SCUBE1: variants seen among roughly 807,000 people sequenced by gnomAD.
SCUBE1 encodes signal peptide, CUB and EGF-like domain-containing protein 1.
A neutral mutation model predicts 124.4 loss-of-function variants in SCUBE1; 59 were observed. The observed-to-expected ratio is 0.47, with a 90% confidence interval of 0.38 to 0.59. SCUBE1 has a LOEUF of 0.59. SCUBE1 is among the 20% of genes least tolerant of loss of function. The pLI, the probability that SCUBE1 is intolerant of heterozygous loss-of-function variation, is 0.00. For missense variants in SCUBE1, 1,150 were observed against 1,371.2 expected (o/e 0.84, Z 2.55); for synonymous variants, 545 against 550.9 (o/e 0.99, Z 0.15).
chr22:43,329,734 C>G (rs1034773384), intron 2 of SCUBE1, among the ~76,000 whole-genome samples: 1 of 152,238 alleles, frequency 6.6e-6, no homozygotes, highest in Non-Finnish European at 1.5e-5. Context: ...TCTTGGAGCA[C>G]CCTCTGAGAC....
At chr22:43,221,374 T>C in intron 12 of SCUBE1, 85 bp from the exon 13 acceptor site, 6 of 648,236 alleles carry the variant, frequency 9.3e-6, no homozygotes, top group South Asian at 1.7e-5. Flanking sequence ...AGGGGACAAA[T>C]CCATCTGGAG....
intron 10 of SCUBE1, among the ~76,000 whole-genome samples, chr22:43,223,578 G>A (rs1922189243): frequency 1.3e-5 from 2 of 152,226 alleles, no homozygotes; most frequent in African/African-American, 4.8e-5. Flanking sequence ...GGGAGGGGCC[G>A]TGGGGGGGAT....
intron 21 of SCUBE1, among the ~76,000 whole-genome samples, chr22:43,207,223 C>G (rs1921327171): frequency 6.6e-6 from 1 of 152,326 alleles, no homozygotes; most frequent in Non-Finnish European, 1.5e-5. Flanking sequence ...CCCCAGAATA[C>G]CCTCATTCTA....
intron 4 of SCUBE1, among the ~76,000 whole-genome samples, chr22:43,271,971 C>T (rs890515083): frequency 1.7e-4 from 26 of 152,168 alleles, no homozygotes; most frequent in Non-Finnish European, 3.8e-4. Flanking sequence ...CCCAGGTCTT[C>T]TACCTTGTGT....
At chr22:43,343,096 G>T in intron 1 of SCUBE1, 78 bp downstream of exon 1, 2 of 673,306 alleles carry the variant, frequency 3.0e-6, no homozygotes, top group Non-Finnish European at 1.9e-6. Flanking sequence ...GATCCGCGGG[G>T]AAGAAGCCCT....
chr22:43,339,728 ACCCCCCACAAGCATAGCTCCAACCC>A (rs1927225567), intron 1 of SCUBE1, among the ~76,000 whole-genome samples: 2 of 24,274 alleles, frequency 8.2e-5, no homozygotes, highest in African/African-American at 3.9e-4. Flanking sequence ...TCCTCATTCT[ACCCCCCACAAGCATAGCTCCAACCC>A]TCCCCCCACT....
chr22:43,223,094 T>C lies in SCUBE1; in HGVS notation c.1327+3A>G. The C allele has an allele frequency of 1.3e-6, 2 of 1,532,896 alleles. No individual in the cohort carries two copies. The highest frequency in any genetic ancestry group is 1.7e-6 in the Non-Finnish European group (2 of 1,143,496). 95.0% of individuals were successfully genotyped at this position (1,532,896 alleles called of 1,614,324 possible). A position where few individuals can be genotyped will look rare whatever the true frequency, so the allele number is the denominator to read the frequency against. ...ATCCCATCTCAGGGACGGCCCGGGT[T>C]ACCTGGCACGAAGAGTGTGTGAGCC... is the stretch of plus-strand genomic sequence containing the variant. On this transcript the variant is annotated splice_donor_region_variant and intron_variant, in intron 11 of 21. Coordinates refer to ENST00000360835, the MANE Select transcript of SCUBE1 (RefSeq NM_173050.5).
chr22:43,322,479 T>C (rs867011903), intron 2 of SCUBE1, among the ~76,000 whole-genome samples: 12 of 152,178 alleles, frequency 7.9e-5, no homozygotes, highest in African/African-American at 2.7e-4. Flanking sequence ...GTGAATATTG[T>C]TTTCCTTCCA....
At chr22:43,235,983 G>A (rs991403541) in intron 7 of SCUBE1, among the ~76,000 whole-genome samples, 1 of 152,064 alleles carries the variant, frequency 6.6e-6, no homozygotes, top group Admixed American at 6.5e-5. Context: ...ACCTGCCCAC[G>A]TGACCCCCAC....
rs116338312 is a variant in SCUBE1 at position 43,238,733 on chromosome 22, C to T, written c.844+105G>A. ...CCACGTGTCCTTTCCCACAGCTACA[C>T]GTGGCCCCCGTTCAGCCCAGCCCTG... On this transcript the variant is annotated intron_variant, in intron 7 of 21. Coordinates refer to ENST00000360835, the MANE Select transcript of SCUBE1 (RefSeq NM_173050.5). 2.2e-3 allele frequency: 2,008 copies of T among 894,488 alleles called. 23 individuals carry two copies. In the African/African-American group the frequency reaches 0.028, roughly 12 times the overall value. 55.4% of individuals were successfully genotyped at this position (894,488 alleles called of 1,614,324 possible). A position where few individuals can be genotyped will look rare whatever the true frequency, so the allele number is the denominator to read the frequency against.
rs528814858 is a variant in SCUBE1 at position 43,223,354 on chromosome 22, G to A, written c.1208-138C>T. 4.2e-5 allele frequency: 40 copies of A among 961,888 alleles called. No individual in the cohort carries two copies. The Middle Eastern group carries it at 1.9e-3, about 46-fold the overall frequency. The allele number at this position is 961,888 out of a possible 1,614,324, so 59.6% of individuals were successfully genotyped here. ...GGCTGGGCTGGCTTGGTGGGAAGGCGCCTGGAGATCGCAGGTCCCTTGGGC... is the reference window on the plus strand; with the variant it reads ...GGCTGGGCTGGCTTGGTGGGAAGGCACCTGGAGATCGCAGGTCCCTTGGGC... On this transcript the variant is annotated intron_variant, in intron 10 of 21. Transcript: ENST00000360835.
chr22:43,340,497 C>CACAT (rs1332859169), intron 1 of SCUBE1, among the ~76,000 whole-genome samples: 2 of 148,380 alleles, frequency 1.3e-5, no homozygotes, highest in Non-Finnish European at 3.0e-5. Context: ...CACACACACA[C>CACAT]ACACACACAC....
chr22:43,239,140 C>A (rs1456849877), intron 6 of SCUBE1, 186 bp from the exon 7 acceptor site: 1 of 599,918 alleles, frequency 1.7e-6, no homozygotes, highest in East Asian at 2.8e-5. Context: ...AGCTCCCCAT[C>A]TGTGAAATGG....
intron 4 of SCUBE1, among the ~76,000 whole-genome samples, chr22:43,286,081 T>C (rs1304078878): frequency 2.0e-5 from 3 of 152,226 alleles, no homozygotes; most frequent in Non-Finnish European, 4.4e-5. Context: ...GGCCGGCTTG[T>C]TGTGGGGCCC....
chr22:43,328,579 G>A (rs1301918995), intron 2 of SCUBE1, among the ~76,000 whole-genome samples: 2 of 152,188 alleles, frequency 1.3e-5, no homozygotes, highest in East Asian at 3.8e-4. Flanking sequence ...TTATCAAGGT[G>A]TAACTGAGGC....
rs943670401 is a variant in SCUBE1, at chr22:43,216,195, C to T, written c.1892-1944G>A. Among the ~76,000 whole-genome samples, 12 of 151,850 alleles carry T rather than the reference C, an allele frequency of 7.9e-5. No individual in the cohort carries two copies. The South Asian group carries it at 1.7e-3, about 21-fold the overall frequency. On this transcript the variant is annotated intron_variant, in intron 15 of 21. Transcript: ENST00000360835. ...CCCAGTAGCTAGGATTGCAGGCGCT[C>T]GCCACCACACCCAGCTAATTTTTGT...
At chr22:43,304,525 T>C (rs1925893778) in intron 3 of SCUBE1, among the ~76,000 whole-genome samples, 1 of 29,994 alleles carries the variant, frequency 3.3e-5, no homozygotes, top group Non-Finnish European at 7.3e-5. Context: ...AGAGAGCGTC[T>C]CTCTAAGCCA....
intron 4 of SCUBE1, among the ~76,000 whole-genome samples, chr22:43,265,171 G>A (rs753430514): frequency 6.6e-6 from 1 of 152,254 alleles, no homozygotes; most frequent in East Asian, 1.9e-4. Flanking sequence ...CCTGGGTAAT[G>A]GAATATTAAG....
intron 2 of SCUBE1, among the ~76,000 whole-genome samples, chr22:43,330,243 G>A (rs1926863182): frequency 1.3e-5 from 2 of 152,118 alleles, no homozygotes; most frequent in South Asian, 2.1e-4. Flanking sequence ...GCTGGCTCAC[G>A]GAGTTAGGAG....
Sources: allele counts gnomAD v4.1 joint callset (sites outside exome capture counted in the v4.1 genomes callset), GRCh38; gene constraint gnomAD v4.1.1; transcripts MANE v1.5; gene names NCBI Gene and HGNC (gene_info 2026-07-23, HGNC 2026-07-21).